ATP11C: variants seen among roughly 807,000 people sequenced by gnomAD.
ATP11C encodes phospholipid-transporting ATPase IG.
In ATP11C, 36 loss-of-function variants were observed where a neutral mutation model predicts 97.4. The ratio of observed to expected loss-of-function variants is 0.37; its 90% CI spans 0.28 to 0.49. The LOEUF is 0.49. Ranked by LOEUF, ATP11C falls within the 20% of genes least tolerant of loss-of-function variation. The pLI is 0.98. For synonymous variants in ATP11C, 275 were observed against 290.9 expected (o/e 0.95, Z 0.56); for missense variants, 730 against 824.6 (o/e 0.89, Z 1.40).
chrX:139,884,069 TC>T (rs1231641481), intron 1 of ATP11C, among the ~76,000 whole-genome samples: 1 of 112,041 alleles, frequency 8.9e-6, no homozygotes, highest in East Asian at 2.8e-4. Context: ...TTTTCATGTG[TC>T]AAGCAGCACT....
intron 1 of ATP11C, among the ~76,000 whole-genome samples, chrX:139,852,886 G>T (rs1374480295): frequency 1.8e-5 from 2 of 111,464 alleles, no homozygotes; most frequent in African/African-American, 6.5e-5. Flanking sequence ...CAACCTCCCA[G>T]GACAAGCAAG....
At chrX:139,833,110 T>C (rs1368634802) in intron 1 of ATP11C, among the ~76,000 whole-genome samples, 6 of 112,168 alleles carry the variant, frequency 5.3e-5, no homozygotes, top group Non-Finnish European at 1.1e-4. Context: ...TTTTCAGTGA[T>C]AGTGTCATTA....
At chrX:139,850,165 G>A (rs929672486) in intron 1 of ATP11C, among the ~76,000 whole-genome samples, 12 of 111,488 alleles carry the variant, frequency 1.1e-4, no homozygotes, top group Non-Finnish European at 2.3e-4. Context: ...ACTGGGTAAT[G>A]GGTAGGGGCT....
intron 1 of ATP11C, among the ~76,000 whole-genome samples, chrX:139,829,539 T>C (rs1279585515): frequency 9.0e-6 from 1 of 111,452 alleles, no homozygotes; most frequent in Admixed American, 9.5e-5. Flanking sequence ...TGGCACGCAG[T>C]GTAGTCTGGA....
At chrX:139,782,252 G>A (rs1383022059) in intron 18 of ATP11C, among the ~76,000 whole-genome samples, 1 of 108,438 alleles carries the variant, frequency 9.2e-6, no homozygotes, top group Non-Finnish European at 1.9e-5. Context: ...GCGTGAACCT[G>A]GGAGGTGGAG....
chrX:139,745,652 T>C, intron 25 of ATP11C, 70 bp downstream of exon 25: 1 of 1,113,359 alleles, frequency 9.0e-7, no homozygotes, highest in Non-Finnish European at 1.2e-6. Flanking sequence ...ATATGACAAA[T>C]CCAGCACCTA....
rs750376690 is a variant in ATP11C at position 139,880,096 on chromosome X, C to T, written c.27+51920G>A. On this transcript the variant is annotated intron_variant, in intron 1 of 29. Transcript: ENST00000682941. Reference sequence around the variant, plus strand: ...AAGAAAAAAAAAACACCTTCTTTTGCCACTATATAGGCCATCCAGGGCAGA... The same window carrying T: ...AAGAAAAAAAAAACACCTTCTTTTGTCACTATATAGGCCATCCAGGGCAGA... Among the ~76,000 whole-genome samples the T allele has an allele frequency of 6.3e-5, 7 of 110,460 alleles. No homozygotes were observed. In the East Asian group the frequency reaches 2.0e-3, roughly 31 times the overall value.
intron 23 of ATP11C, among the ~76,000 whole-genome samples, chrX:139,751,615 C>T (rs1284386655): frequency 9.0e-6 from 1 of 111,431 alleles, no homozygotes; most frequent in East Asian, 2.8e-4. Flanking sequence ...TTCATTCAAA[C>T]AAAAGAAGCA....
chrX:139,852,154 GA>G (rs201691789), intron 1 of ATP11C, among the ~76,000 whole-genome samples: 1 of 108,928 alleles, frequency 9.2e-6, no homozygotes, highest in South Asian at 4.1e-4. Flanking sequence ...AAAGAAAAAA[GA>G]AAAAAAACCC....
At position 139,798,257 on chromosome X, in the gene ATP11C, T is replaced by C. The variant is rs2082843595; in HGVS notation, c.857+16A>G. The C allele has an allele frequency of 1.7e-6, 2 of 1,177,212 alleles. No homozygotes were observed. The highest frequency in any genetic ancestry group is 3.5e-5 in the African/African-American group (2 of 56,824). ...TTTAATCAATAATGACTAAATAAATTGTGGCGCATACTAACTTTTCAACAG... is the reference window on the plus strand; with the variant it reads ...TTTAATCAATAATGACTAAATAAATCGTGGCGCATACTAACTTTTCAACAG... On this transcript the variant is annotated intron_variant, in intron 10 of 29. Coordinates refer to ENST00000682941, the MANE Select transcript of ATP11C (RefSeq NM_001353812.2).
chrX:139,740,317 C>A (rs1171077822), intron 27 of ATP11C, among the ~76,000 whole-genome samples: 1 of 111,693 alleles, frequency 9.0e-6, no homozygotes, highest in Non-Finnish European at 1.9e-5. Flanking sequence ...GTGTCCCTCA[C>A]TGGACTCTAT....
intron 19 of ATP11C, among the ~76,000 whole-genome samples, chrX:139,773,651 CTATT>C (rs886206775): frequency 2.7e-5 from 3 of 112,470 alleles, no homozygotes; most frequent in Admixed American, 9.4e-5. Flanking sequence ...TAATAAAAAC[CTATT>C]TATTATCACT....
intron 1 of ATP11C, among the ~76,000 whole-genome samples, chrX:139,902,494 A>G (rs1420506669): frequency 3.6e-5 from 4 of 112,013 alleles, no homozygotes; most frequent in Non-Finnish European, 7.5e-5. Flanking sequence ...ACCTCAGGAA[A>G]AAAATATTAA....
At chrX:139,875,252 C>T (rs775554611) in intron 1 of ATP11C, among the ~76,000 whole-genome samples, 33 of 110,158 alleles carry the variant, frequency 3.0e-4, no homozygotes, top group Middle Eastern at 4.7e-3. Flanking sequence ...CTCTGAAGAA[C>T]CTTCCTTAGG....
intron 23 of ATP11C, among the ~76,000 whole-genome samples, chrX:139,751,777 C>T (rs1477374935): frequency 4.8e-5 from 5 of 105,230 alleles, no homozygotes; most frequent in African/African-American, 1.9e-4. Context: ...ACAATGTTTC[C>T]TTTTCATTAA....
chrX:139,760,073 C>T (rs2082006799), intron 22 of ATP11C, among the ~76,000 whole-genome samples: 1 of 111,709 alleles, frequency 9.0e-6, no homozygotes, highest in Non-Finnish European at 1.9e-5. Context: ...CTAACTGTGA[C>T]ACATAAAAAG....
chrX:139,772,548 G>A (rs1280966711), intron 19 of ATP11C, among the ~76,000 whole-genome samples: 1 of 111,813 alleles, frequency 8.9e-6, no homozygotes, highest in Non-Finnish European at 1.9e-5. Flanking sequence ...AGCCAGGAGG[G>A]AGACTATACC....
intron 1 of ATP11C, chrX:139,832,193 G>A (rs1469739063): frequency 8.3e-7 from 1 of 1,205,618 alleles, no homozygotes; most frequent in African/African-American, 1.7e-5. Context: ...TCTGCATACT[G>A]ACATGCAGAA....
chrX:139,799,871 CA>C (rs1324810571), intron 8 of ATP11C, among the ~76,000 whole-genome samples, 188 bp downstream of exon 8: 3 of 109,595 alleles, frequency 2.7e-5, no homozygotes, highest in African/African-American at 1.0e-4. Flanking sequence ...AGGCTGGCTT[CA>C]AACTCCTGAC....
Sources: allele counts gnomAD v4.1 joint callset (sites outside exome capture counted in the v4.1 genomes callset), GRCh38; gene constraint gnomAD v4.1.1; transcripts MANE v1.5; gene names NCBI Gene and HGNC (gene_info 2026-07-23, HGNC 2026-07-21).